MCF2: variants seen among roughly 807,000 people sequenced by gnomAD.
MCF2 encodes the protein MCF.2 cell line derived transforming sequence.
MCF2 carries 44 observed loss-of-function variants against 82.5 expected under a neutral mutation model. The ratio of observed to expected loss-of-function variants is 0.53; its 90% CI spans 0.42 to 0.69. MCF2 has a LOEUF of 0.69. MCF2 is among the 30% of genes least tolerant of loss of function. The probability of loss-of-function intolerance (pLI) is 0.00; values close to 1 mark genes in which losing one functional copy is unlikely to be tolerated. For missense variants in MCF2, 623 were observed against 663.1 expected (o/e 0.94, Z 0.66); for synonymous variants, 217 against 224.9 (o/e 0.96, Z 0.32).
At chrX:139,589,964 AT>A in intron 19 of MCF2, 37 bp from the exon 24 acceptor site, 1 of 851,688 alleles carries the variant, frequency 1.2e-6, no homozygotes, top group Non-Finnish European at 1.7e-6. Context: ...TGAGCATTTT[AT>A]TTTGAATATG....
At chrX:139,679,017 G>A (rs1475973005) in intron 1 of MCF2, among the ~76,000 whole-genome samples, 3 of 112,171 alleles carry the variant, frequency 2.7e-5, no homozygotes, top group Non-Finnish European at 3.8e-5. Flanking sequence ...GGGTAAATAC[G>A]AATGACTTGA....
At position 139,606,579 on chromosome X, in the gene MCF2, G is replaced by A. The variant is rs770954637; in HGVS notation, c.1491-800C>T. On this transcript the variant is annotated intron_variant, in intron 12 of 24. Coordinates refer to ENST00000370576, the Ensembl canonical transcript of MCF2. ...TCACCATGTTTGTCAGGCTGGTCTC[G>A]AACTCCTGACCTCAAGTGATCCGCC... 5.4e-5 allele frequency among the ~76,000 whole-genome samples: 6 copies of A among 111,195 alleles called. No individual in the cohort carries two copies. The South Asian group carries it at 1.5e-3, about 28-fold the overall frequency.
At chrX:139,598,349 G>T in intron 17 of MCF2, 57 bp downstream of exon 21, 1 of 758,156 alleles carries the variant, frequency 1.3e-6, no homozygotes, top group Non-Finnish European at 2.0e-6. Context: ...CTTTTTAATG[G>T]CTCTGTCATA....
At chrX:139,694,368 T>C (rs1451484930) in intron 1 of MCF2, among the ~76,000 whole-genome samples, 2 of 100,424 alleles carry the variant, frequency 2.0e-5, no homozygotes, top group Admixed American at 2.1e-4. Flanking sequence ...AAAAAAATAA[T>C]ATCCTTCAAG....
intron 4 of MCF2, 37 bp from the exon 8 acceptor site, chrX:139,626,793 T>A (rs1569366948): frequency 5.3e-6 from 6 of 1,134,644 alleles, no homozygotes; most frequent in Admixed American, 4.5e-5. Context: ...ACCTAATTAG[T>A]AATCCAACCT....
At chrX:139,635,359 T>A (rs1385245800) in intron 1 of MCF2, among the ~76,000 whole-genome samples, 1 of 111,525 alleles carries the variant, frequency 9.0e-6, no homozygotes, top group Non-Finnish European at 1.9e-5. Context: ...ATGTTAAGTA[T>A]AATATGTATT....
chrX:139,693,025 C>G (rs763006341), intron 1 of MCF2, among the ~76,000 whole-genome samples: 2 of 111,608 alleles, frequency 1.8e-5, no homozygotes, highest in African/African-American at 6.5e-5. Flanking sequence ...GGAGGCAACC[C>G]GTTTAAGAAG....
At chrX:139,596,831 C>A in intron 18 of MCF2, 61 bp from the exon 23 acceptor site, 1 of 776,782 alleles carries the variant, frequency 1.3e-6, no homozygotes, top group South Asian at 2.2e-5. Flanking sequence ...TCTCTGACAC[C>A]AACATGTTAG....
rs1182070757 is a variant in MCF2 at position 139,658,667 on chromosome X, G to GTTTTTTTTTTT, written c.-44-6890_-44-6880dup. ...TGAAGCCTCTGCTAAAAAAAGATGT[G>GTTTTTTTTTTT]TTTTTTTTTTTTTTTTTTTTTTTTT... On this transcript the variant is annotated intron_variant, in intron 1 of 27. Transcript: ENST00000414978. 1.8e-4 allele frequency among the ~76,000 whole-genome samples: 10 copies of GTTTTTTTTTTT among 56,616 alleles called. 1 individual carries two copies. The highest frequency in any genetic ancestry group is 7.0e-4 in the African/African-American group (9 of 12,857). 49.2% of individuals were successfully genotyped at this position (56,616 alleles called of 115,157 possible).
rs185904710 is a variant in MCF2 at position 139,628,231 on chromosome X, C to T, written c.438+1464G>A. 8.2e-4 allele frequency among the ~76,000 whole-genome samples: 92 copies of T among 111,734 alleles called. 3 individuals carry two copies. The East Asian group carries it at 0.016, about 20-fold the overall frequency. Reference sequence around the variant, plus strand: ...GAAACATGGAATCAACCTAGGTGCCCATCAATGGTGGACTGTATAAAGAAA... The same window carrying T: ...GAAACATGGAATCAACCTAGGTGCCTATCAATGGTGGACTGTATAAAGAAA... On this transcript the variant is annotated intron_variant, in intron 4 of 24. Coordinates refer to ENST00000370576, the Ensembl canonical transcript of MCF2.
At chrX:139,692,310 T>C (rs1449815405) in intron 1 of MCF2, among the ~76,000 whole-genome samples, 1 of 111,385 alleles carries the variant, frequency 9.0e-6, no homozygotes, top group Non-Finnish European at 1.9e-5. Flanking sequence ...TCAGCCCAGC[T>C]GCGCCGCGGC....
intron 1 of MCF2, among the ~76,000 whole-genome samples, chrX:139,639,412 G>A (rs1305772356): frequency 9.0e-6 from 1 of 111,444 alleles, no homozygotes; most frequent in Non-Finnish European, 1.9e-5. Context: ...CAGTAAAAGC[G>A]AACCAGCTGC....
exon 20 of MCF2, chrX:139,589,918 C>T (rs1040589967): frequency 8.7e-7 from 1 of 1,147,377 alleles, no homozygotes; most frequent in Non-Finnish European, 1.2e-6. Flanking sequence ...GTGATTCCAA[C>T]TTCATCCATC....
At chrX:139,702,914 T>C (rs1244835763) in intron 1 of MCF2, among the ~76,000 whole-genome samples, 1 of 112,210 alleles carries the variant, frequency 8.9e-6, no homozygotes, top group Non-Finnish European at 1.9e-5. Flanking sequence ...TCTTTGGCTG[T>C]CAGCCTTATT....
At chrX:139,670,302 T>C (rs188434941) in intron 1 of MCF2, among the ~76,000 whole-genome samples, 1 of 111,904 alleles carries the variant, frequency 8.9e-6, no homozygotes, top group African/African-American at 3.2e-5. Flanking sequence ...GATTATTATC[T>C]TAAACACATT....
intron 9 of MCF2, 113 bp downstream of exon 12, chrX:139,616,169 T>C (rs1931874316): frequency 1.1e-5 from 4 of 375,051 alleles, no homozygotes; most frequent in Admixed American, 1.0e-4. Context: ...AAGAGGACAA[T>C]GTAAGTGCAA....
At chrX:139,664,949 G>T in intron 1 of MCF2, among the ~76,000 whole-genome samples, 1 of 111,424 alleles carries the variant, frequency 9.0e-6, no homozygotes, top group Non-Finnish European at 1.9e-5. Flanking sequence ...TGTGGTCCAA[G>T]GTGTGTCTAG....
At chrX:139,656,357 C>T (rs1285430882) in intron 1 of MCF2, among the ~76,000 whole-genome samples, 1 of 112,163 alleles carries the variant, frequency 8.9e-6, no homozygotes, top group Non-Finnish European at 1.9e-5. Flanking sequence ...CCACCGCACC[C>T]GGCCAGTAAA....
At chrX:139,663,628 T>A (rs1934420688) in intron 1 of MCF2, among the ~76,000 whole-genome samples, 1 of 106,687 alleles carries the variant, frequency 9.4e-6, no homozygotes, top group African/African-American at 3.4e-5. Context: ...CCACTCAAGC[T>A]GACCCCAATG....
Sources: allele counts gnomAD v4.1 joint callset (sites outside exome capture counted in the v4.1 genomes callset), GRCh38; gene constraint gnomAD v4.1.1; transcripts MANE v1.5; gene names NCBI Gene and HGNC (gene_info 2026-07-23, HGNC 2026-07-21).